Variants in MSN observed in about 807,000 individuals in gnomAD.
MSN encodes the protein moesin.
Under a neutral mutation model 48.0 loss-of-function variants are expected in MSN, and 2 were observed. The ratio of observed to expected loss-of-function variants is 0.04; its 90% CI spans 0.02 to 0.13. The LOEUF is 0.13. Among genes scored for constraint, MSN ranks in the 10% least tolerant of loss-of-function variants. MSN has a pLI of 1.00. For missense variants in MSN, 267 were observed against 470.1 expected (o/e 0.57, Z 3.99); for synonymous variants, 146 against 166.9 (o/e 0.87, Z 0.97).
intron 1 of MSN, among the ~76,000 whole-genome samples, chrX:65,687,129 G>A (rs1167483458): frequency 9.0e-6 from 1 of 111,618 alleles, no homozygotes; most frequent in Admixed American, 9.5e-5. Flanking sequence ...GGTGGATCAC[G>A]AGGTCAGGAG....
chrX:65,590,219 G>T (rs999944814), intron 1 of MSN, among the ~76,000 whole-genome samples: 1 of 111,364 alleles, frequency 9.0e-6, no homozygotes, highest in African/African-American at 3.3e-5. Context: ...GGATGTCCTA[G>T]AGGAGGAGTT....
At chrX:65,623,418 G>A (rs1380786959) in intron 1 of MSN, among the ~76,000 whole-genome samples, 34 of 100,914 alleles carry the variant, frequency 3.4e-4, no homozygotes, top group Non-Finnish European at 2.0e-4. Flanking sequence ...TTAGTATCAG[G>A]TTAATTCTGG....
chrX:65,634,484 A>G (rs1465306527), intron 1 of MSN, among the ~76,000 whole-genome samples: 2 of 110,516 alleles, frequency 1.8e-5, no homozygotes, highest in East Asian at 5.7e-4. Context: ...CCAGTGGCAC[A>G]CACCTGTCAT....
At chrX:65,710,239 C>T (rs1160019963) in intron 1 of MSN, among the ~76,000 whole-genome samples, 1 of 112,541 alleles carries the variant, frequency 8.9e-6, no homozygotes, top group Non-Finnish European at 1.9e-5. Context: ...AAGGTTTTCT[C>T]TGTTCTTCTA....
intron 1 of MSN, among the ~76,000 whole-genome samples, chrX:65,629,084 A>G (rs964182497): frequency 5.5e-5 from 6 of 109,384 alleles, no homozygotes; most frequent in African/African-American, 2.0e-4. Flanking sequence ...AAAAAAAAAA[A>G]GGAATGTTTT....
intron 1 of MSN, among the ~76,000 whole-genome samples, chrX:65,659,832 G>A (rs893668127): frequency 1.8e-5 from 2 of 111,341 alleles, no homozygotes; most frequent in African/African-American, 3.3e-5. Flanking sequence ...ATATGTGGAT[G>A]TATGGCTCCT....
chrX:65,701,045 C>G lies in MSN; in HGVS notation c.13-15773C>G, dbSNP rs998442750. 4.3e-4 allele frequency among the ~76,000 whole-genome samples: 48 copies of G among 111,955 alleles called. 1 individual carries two copies. The highest frequency in any genetic ancestry group is 9.4e-5 in the Non-Finnish European group (5 of 53,237). ...CAGCATCCTCTCAACCATGCCTCTT[C>G]TTTTCCTCAAGTTCCAAGAGCATCA... On this transcript the variant is annotated intron_variant, in intron 1 of 12. Coordinates refer to ENST00000360270, the MANE Select transcript of MSN (RefSeq NM_002444.3).
chrX:65,604,784 C>A (rs2070264868), intron 1 of MSN, among the ~76,000 whole-genome samples: 1 of 111,385 alleles, frequency 9.0e-6, no homozygotes, highest in Non-Finnish European at 1.9e-5. Flanking sequence ...CAAAATTTAT[C>A]CTGAACCTAA....
intron 1 of MSN, among the ~76,000 whole-genome samples, chrX:65,631,892 G>A (rs750203922): frequency 5.4e-5 from 6 of 111,390 alleles, no homozygotes; most frequent in Admixed American, 1.9e-4. Flanking sequence ...ACCCAGGCTC[G>A]TTTCGGATTC....
rs113749327 is a variant in MSN, at chrX:65,645,083, G to A, written c.-22+56471G>A. Among the ~76,000 whole-genome samples, 795 of 112,005 alleles carry A rather than the reference G, an allele frequency of 7.1e-3. 8 individuals are homozygous for A. Among genetic ancestry groups the A allele is most frequent in the African/African-American group, 0.024 (755 of 30,885 alleles). On this transcript the variant is annotated intron_variant, in intron 1 of 3. Coordinates refer to the MSN transcript ENST00000609672. ...CCCTGAGTCATCCCTGGGCTACTGGGCTGGGAGGAGGCCCAGCCCCACCCT... is the reference window on the plus strand; with the variant it reads ...CCCTGAGTCATCCCTGGGCTACTGGACTGGGAGGAGGCCCAGCCCCACCCT...
intron 1 of MSN, among the ~76,000 whole-genome samples, chrX:65,647,434 A>G (rs1307566227): frequency 1.8e-5 from 2 of 111,683 alleles, no homozygotes; most frequent in African/African-American, 6.5e-5. Flanking sequence ...GCTGGTCTCG[A>G]ACTCCTGACC....
intron 1 of MSN, among the ~76,000 whole-genome samples, chrX:65,669,831 A>C (rs1353164293): frequency 9.0e-6 from 1 of 110,864 alleles, no homozygotes; most frequent in Non-Finnish European, 1.9e-5. Flanking sequence ...CTCTTAAAAA[A>C]AAAAACTAAA....
intron 1 of MSN, among the ~76,000 whole-genome samples, chrX:65,654,867 TGTAGGTGGGAGC>T (rs2070770433): frequency 9.0e-6 from 1 of 111,342 alleles, no homozygotes; most frequent in East Asian, 2.8e-4. Context: ...TTCAGAGCGT[TGTAGGTGGGAGC>T]TTTTTATGCC....
chrX:65,651,353 A>C (rs1250198107), intron 1 of MSN, among the ~76,000 whole-genome samples: 1 of 107,719 alleles, frequency 9.3e-6, no homozygotes, highest in Non-Finnish European at 1.9e-5. Context: ...AGAAAATAAA[A>C]TTAAGATATG....
intron 1 of MSN, among the ~76,000 whole-genome samples, chrX:65,613,365 A>AT (rs1282660754): frequency 6.1e-5 from 7 of 115,023 alleles, no homozygotes; most frequent in African/African-American, 2.2e-4. Flanking sequence ...TAGCAGAATG[A>AT]TTTATAATAC....
chrX:65,694,881 G>T (rs185034994), intron 1 of MSN, among the ~76,000 whole-genome samples: 2 of 112,043 alleles, frequency 1.8e-5, no homozygotes, highest in East Asian at 5.6e-4. Context: ...GGGTAGAAAG[G>T]ATGGTTATGG....
chrX:65,695,694 A>G (rs981109829), intron 1 of MSN, among the ~76,000 whole-genome samples: 1 of 109,800 alleles, frequency 9.1e-6, no homozygotes, highest in African/African-American at 3.3e-5. Context: ...TTTATACATT[A>G]GTCTATCTTG....
At chrX:65,726,804 C>G (rs775162404) in intron 2 of MSN, among the ~76,000 whole-genome samples, 7 of 111,579 alleles carry the variant, frequency 6.3e-5, no homozygotes, top group Non-Finnish European at 1.3e-4. Context: ...AAAAGACTGC[C>G]TAAGGCCAGC....
chrX:65,659,273 C>T (rs2070804931), intron 1 of MSN, among the ~76,000 whole-genome samples: 1 of 111,186 alleles, frequency 9.0e-6, no homozygotes. Flanking sequence ...CCTGCCTCAG[C>T]CTCCCAAGTA....
Sources: gnomAD v4.1 joint callset for allele counts (sites outside exome capture counted in the v4.1 genomes callset) on GRCh38, gnomAD v4.1.1 for gene constraint, MANE v1.5 for transcripts, NCBI Gene and HGNC (gene_info 2026-07-23, HGNC 2026-07-21) for gene names.